Variants in SCN1A observed in about 807,000 individuals in gnomAD.
SCN1A encodes the protein sodium channel protein type 1 subunit alpha.
SCN1A carries 13 observed loss-of-function variants against 193.7 expected under a neutral mutation model. The ratio of observed to expected loss-of-function variants is 0.07; its 90% confidence interval spans 0.04 to 0.11. SCN1A has a LOEUF of 0.11. Among genes scored for constraint, SCN1A ranks in the 10% least tolerant of loss-of-function variants. The pLI is 1.00. For missense variants in SCN1A, 1,432 were observed against 2,451.1 expected, an observed-to-expected ratio of 0.58 and a Z score of 8.78; for synonymous variants, 781 against 843.6, an observed-to-expected ratio of 0.93 and a Z score of 1.29.
At chr2:166,108,977 C>T (rs1001660501) in intron 2 of SCN1A, among the ~76,000 whole-genome samples, 5 of 152,100 alleles carry the variant, frequency 3.3e-5, no homozygotes, top group African/African-American at 1.2e-4. Flanking sequence ...TTATTTGATT[C>T]CCTTCTTTTT....
intron 18 of SCN1A, among the ~76,000 whole-genome samples, chr2:166,036,871 A>G (rs923400167): frequency 3.3e-5 from 5 of 152,228 alleles, no homozygotes; most frequent in Non-Finnish European, 7.3e-5. Flanking sequence ...AAAAATCACT[A>G]ATGTTTCCAA....
chr2:166,015,813 GT>G, intron 19 of SCN1A, 86 bp from the exon 20 acceptor site: 2 of 1,469,192 alleles, frequency 1.4e-6, no homozygotes, highest in Non-Finnish European at 1.9e-6. Flanking sequence ...CTATGAATTT[GT>G]TTTTTATTCT....
At chr2:166,127,136 CTT>C (rs1426676197) in intron 1 of SCN1A, 126 bp from the exon 2 acceptor site, 1 of 152,200 alleles carries the variant, frequency 6.6e-6, no homozygotes, top group African/African-American at 2.4e-5. Context: ...AAAGGGGACT[CTT>C]TACCACTCTG....
At chr2:166,028,147 C>T (rs1040430442) in intron 19 of SCN1A, among the ~76,000 whole-genome samples, 5 of 151,866 alleles carry the variant, frequency 3.3e-5, no homozygotes, top group Admixed American at 2.0e-4. Flanking sequence ...ATTTTGCTTT[C>T]GATAGGTCAC....
In SCN1A at chr2:165,997,722, G is replaced by A. The variant is rs184022580; in HGVS notation, c.4476+316C>T. On this transcript the variant is annotated intron_variant, in intron 26 of 28. Transcript: ENST00000674923. ...AGGGATAAAGTAACAAATTGCTTTT[G>A]GGAAAGAGGCATATTCGGTTGCTTT... Among the ~76,000 whole-genome samples, 856 of 151,200 alleles carry A rather than the reference G, an allele frequency of 5.7e-3. 8 individuals carry two copies. The highest frequency in any genetic ancestry group is 0.02 in the African/African-American group (833 of 41,442).
intron 26 of SCN1A, among the ~76,000 whole-genome samples, chr2:165,997,223 C>T (rs180844707): frequency 6.6e-6 from 1 of 151,012 alleles, no homozygotes; most frequent in Non-Finnish European, 1.5e-5. Flanking sequence ...TAAAAACAAT[C>T]TAAATTATCA....
chr2:166,026,886 T>G (rs1694862492), intron 19 of SCN1A, among the ~76,000 whole-genome samples: 2 of 152,024 alleles, frequency 1.3e-5, no homozygotes, highest in African/African-American at 4.8e-5. Flanking sequence ...GGTTTCACCG[T>G]GTTAGCCAGG....
intron 1 of SCN1A, among the ~76,000 whole-genome samples, chr2:166,141,026 G>A (rs537385362): frequency 2.3e-3 from 344 of 152,126 alleles, no homozygotes; most frequent in Non-Finnish European, 4.3e-3. Context: ...TGTTTGAGAA[G>A]CCCTGGCTGT....
chr2:165,985,437 G>A (rs535550059), downstream of SCN1A: 1 of 151,638 alleles, frequency 6.6e-6, no homozygotes, highest in South Asian at 2.1e-4. Flanking sequence ...AAAAAGGAAG[G>A]GAAGGGAAGG....
chr2:166,069,009 G>A (rs961900247), intron 4 of SCN1A, among the ~76,000 whole-genome samples: 2 of 152,130 alleles, frequency 1.3e-5, no homozygotes, highest in Non-Finnish European at 2.9e-5. Flanking sequence ...TAAAGAATTT[G>A]AATGTAGGGC....
At chr2:166,117,960 C>T (rs1434320569) in intron 2 of SCN1A, among the ~76,000 whole-genome samples, 1 of 47,418 alleles carries the variant, frequency 2.1e-5, no homozygotes, top group Non-Finnish European at 5.0e-5. Flanking sequence ...GAGACTCTGT[C>T]TCAAAAAAAA....
At chr2:166,026,199 A>G (rs549118406) in intron 19 of SCN1A, among the ~76,000 whole-genome samples, 2 of 152,264 alleles carry the variant, frequency 1.3e-5, no homozygotes, top group Non-Finnish European at 2.9e-5. Flanking sequence ...TACTTTTGCT[A>G]TTAATATTAT....
At chr2:166,084,753 C>T (rs998682728) in intron 2 of SCN1A, among the ~76,000 whole-genome samples, 2 of 152,076 alleles carry the variant, frequency 1.3e-5, no homozygotes, top group African/African-American at 4.8e-5. Context: ...ATGGCAGACG[C>T]ACCTGACAGC....
chr2:166,034,929 C>T (rs1425928476), intron 19 of SCN1A, among the ~76,000 whole-genome samples: 2 of 152,164 alleles, frequency 1.3e-5, no homozygotes, highest in Non-Finnish European at 2.9e-5. Flanking sequence ...GACATTGATG[C>T]TGCTGGTATC....
intron 4 of SCN1A, among the ~76,000 whole-genome samples, chr2:166,067,259 C>T (rs1683937241): frequency 6.6e-6 from 1 of 152,080 alleles, no homozygotes; most frequent in African/African-American, 2.4e-5. Context: ...GTCTCAGAAA[C>T]AGTCCCAAGA....
At chr2:166,134,490 A>T (rs1558911555) in intron 1 of SCN1A, among the ~76,000 whole-genome samples, 1 of 152,178 alleles carries the variant, frequency 6.6e-6, no homozygotes, top group East Asian at 1.9e-4. Flanking sequence ...ACTAACCAAC[A>T]TTGGTTTTAG....
rs548542447 is a variant in SCN1A, at chr2:166,148,413, G to A, written c.-50+634C>T. On this transcript the variant is annotated intron_variant, in intron 1 of 26. Transcript: ENST00000635750. ...TATTGTTTCTACTTTTACCCATAGA[G>A]TGAACAACTGTTCATATCAAACCTG... is the stretch of plus-strand genomic sequence containing the variant. Among the ~76,000 whole-genome samples the A allele has an allele frequency of 1.3e-5, 2 of 152,238 alleles. 1 individual carries two copies. The highest frequency in any genetic ancestry group is 4.1e-4 in the South Asian group (2 of 4,824).
Position 166,036,614 on chromosome 2 carries a change from G to A in SCN1A, c.2947-84C>T. The A allele has an allele frequency of 2.8e-6, 4 of 1,428,016 alleles. No homozygotes were observed. In the South Asian group the frequency reaches 5.0e-5, roughly 18 times the overall value. The allele number at this position is 1,428,016 out of a possible 1,614,324, so 88.5% of individuals were successfully genotyped here. A position where few individuals can be genotyped will look rare whatever the true frequency, so the allele number is the denominator to read the frequency against. On this transcript the variant is annotated intron_variant, in intron 18 of 28. Coordinates refer to ENST00000674923, the MANE Select transcript of SCN1A (RefSeq NM_001165963.4). ...CAATCACTTATTCTTTCTTTTAAGTGTGGAAAAAACTCTAAGTTCTAAAAC... is the reference window on the plus strand; with the variant it reads ...CAATCACTTATTCTTTCTTTTAAGTATGGAAAAAACTCTAAGTTCTAAAAC...
At chr2:166,095,207 C>T (rs573985788) in intron 2 of SCN1A, among the ~76,000 whole-genome samples, 150 of 152,230 alleles carry the variant, frequency 9.9e-4, no homozygotes, top group Non-Finnish European at 1.6e-3. Flanking sequence ...CTTTAGTTTT[C>T]TCTTTTCCAA....
Sources: allele counts gnomAD v4.1 joint callset (sites outside exome capture counted in the v4.1 genomes callset), GRCh38; gene constraint gnomAD v4.1.1; transcripts MANE v1.5; gene names NCBI Gene and HGNC (gene_info 2026-07-23, HGNC 2026-07-21).